Variants in REPIN1 observed in about 807,000 individuals in gnomAD.
REPIN1 encodes DNA-binding protein REPIN1.
In REPIN1, 4 loss-of-function variants were observed where a neutral mutation model predicts 5.7. That is an observed-to-expected ratio of 0.71 (90% confidence interval 0.35 to 1.62). REPIN1 has a LOEUF of 1.62. REPIN1 is among the 40% of genes most tolerant of loss of function. REPIN1 has a pLI of 0.05. For missense variants in REPIN1, 854 were observed against 901.0 expected, an observed-to-expected ratio of 0.95 and a Z score of 0.67; for synonymous variants, 410 against 386.2, an observed-to-expected ratio of 1.06 and a Z score of -0.72.
chr7:150,368,987 G>T (rs994491651), intron 1 of REPIN1, 46 bp downstream of exon 1: 13 of 372,704 alleles, frequency 3.5e-5, no homozygotes, highest in Middle Eastern at 6.5e-4. Flanking sequence ...CCCGCGGGGG[G>T]CCGCTCCACC....
In REPIN1 at chr7:150,371,726, C is replaced by T; in HGVS notation, c.656C>T (p.Ala219Val). ...TTCTGGCGACGAAAGCAGCTTCGAG[C>T]TCATCTGCGGCGGTGCCACCCTCCC... ...RRFWRRKQLR[A>V]HLRRCHPPAP... Residue 219 changes from alanine to valine, a missense_variant, in exon 3 of 3, where the codon GCT becomes GTT. By Grantham distance (64) the Ala-to-Val change is moderately conservative (BLOSUM62 0). Transcript: ENST00000489432. 2 of 1,609,020 alleles carry T rather than the reference C, an allele frequency of 1.2e-6. No individual in the cohort carries two copies. Among genetic ancestry groups the T allele is most frequent in the Non-Finnish European group, 1.7e-6 (2 of 1,179,876 alleles).
chr7:150,372,684 C>A lies in REPIN1; in HGVS notation c.1614C>A (p.His538Gln). The A allele has an allele frequency of 6.2e-7, 1 of 1,612,730 alleles. No homozygotes were observed. Among genetic ancestry groups the A allele is most frequent in the Non-Finnish European group, 8.5e-7 (1 of 1,179,878 alleles). The change falls in exon 3 of 3, where the codon CAC (histidine) becomes CAA (glutamine). Residue 538 changes from histidine (H) to glutamine (Q), a missense_variant. Physicochemically the swap from His to Gln is conservative, Grantham distance 24 (BLOSUM62 0). Around this residue, in one of 5 missense-constraint regions of REPIN1, gnomAD observed 101 missense variants for 124.7 expected, o/e 0.81. Coordinates refer to ENST00000489432, the MANE Select transcript of REPIN1 (RefSeq NM_001099695.2). ...KPYLAAHRRIHTGEKPYVCPD... is the reference protein window; with the variant it reads ...KPYLAAHRRIQTGEKPYVCPD... ...ACCTGGCGGCGCACCGGCGCATCCACACCGGCGAGAAGCCCTACGTCTGCC... is the reference window on the plus strand; with the variant it reads ...ACCTGGCGGCGCACCGGCGCATCCAAACCGGCGAGAAGCCCTACGTCTGCC...
rs1338663366 is a variant in REPIN1 at position 150,368,842 on chromosome 7, C to T, written c.-141C>T. ...CTGGCAGTTGTGAACTCGAACCTGCCGCTGTCGCCGCGGCGGGGCGGGGAG... is the reference window on the plus strand; with the variant it reads ...CTGGCAGTTGTGAACTCGAACCTGCTGCTGTCGCCGCGGCGGGGCGGGGAG... On this transcript the variant is annotated 5_prime_UTR_variant, in exon 1 of 3. Transcript: ENST00000489432. 1.6e-5 allele frequency: 5 copies of T among 321,256 alleles called. No individual in the cohort carries two copies. The highest frequency in any genetic ancestry group is 1.1e-4 in the East Asian group (2 of 18,844). 19.9% of individuals were successfully genotyped at this position (321,256 alleles called of 1,614,324 possible).
intron 2 of REPIN1, chr7:150,370,854 G>T: frequency 1.4e-6 from 1 of 701,482 alleles, no homozygotes; most frequent in South Asian, 1.5e-5. Context: ...GCAGCATAAG[G>T]CACTGTAGGG....
chr7:150,371,078 C>A (rs1423067023), intron 2 of REPIN1, 150 bp from the exon 3 acceptor site: 2 of 850,346 alleles, frequency 2.4e-6, no homozygotes, highest in East Asian at 2.7e-5. Context: ...TAATACATAC[C>A]ACACAAGGAA....
intron 1 of REPIN1, 51 bp downstream of exon 1, chr7:150,368,992 T>G (rs866931318): frequency 3.5e-6 from 1 of 287,446 alleles, no homozygotes; most frequent in Non-Finnish European, 6.3e-6. Flanking sequence ...GGGGGGCCGC[T>G]CCACCTGCGG....
rs1261144223 is a variant in REPIN1, at chr7:150,371,960, G to A, written c.890G>A (p.Cys297Tyr). ...GTCGACCGCCCCTTCCAGTGTGCCT[G>A]TTGTGGCAAGCGCTTCCGGCACAAG... ...DAVDRPFQCA[C>Y]CGKRFRHKPN... The change falls in exon 3 of 3, where the codon TGT (cysteine) becomes TAT (tyrosine). Residue 297 changes from cysteine (C) to tyrosine (Y), a missense_variant. Cys to Tyr is a radical substitution (Grantham distance 194). Coordinates refer to ENST00000489432, the MANE Select transcript of REPIN1 (RefSeq NM_001099695.2). The A allele has an allele frequency of 2.5e-6, 4 of 1,609,984 alleles. No individual in the cohort carries two copies. The African/African-American group carries it at 5.3e-5, about 22-fold the overall frequency.
rs989737453 is a variant in REPIN1, at chr7:150,373,667, G to C, written c.*722G>C. Reference sequence around the variant, plus strand: ...CTGGCTGTCAGCAGCACTGTGTCCAGGCTCTTGTCTGAACACCGCAGCCCC... The same window carrying C: ...CTGGCTGTCAGCAGCACTGTGTCCACGCTCTTGTCTGAACACCGCAGCCCC... On this transcript the variant is annotated 3_prime_UTR_variant, in exon 3 of 3. Transcript: ENST00000489432. 3 of 167,484 alleles carry C rather than the reference G, an allele frequency of 1.8e-5. No individual in the cohort carries two copies. Among genetic ancestry groups the C allele is most frequent in the Non-Finnish European group, 4.4e-5 (3 of 68,488 alleles). The allele number at this position is 167,484 out of a possible 1,614,324, so 10.4% of individuals were successfully genotyped here.
Position 150,372,541 on chromosome 7 carries a change from G to A in REPIN1, c.1471G>A (p.Glu491Lys). 1 of 1,564,896 alleles carries A rather than the reference G, an allele frequency of 6.4e-7. No homozygotes were observed. Among genetic ancestry groups the A allele is most frequent in the East Asian group, 2.3e-5 (1 of 43,456 alleles). The change falls in exon 3 of 3, where the codon GAG becomes AAG. Residue 491 changes from glutamate (E) to lysine (K), a missense_variant. Transcript: ENST00000489432. Reference protein sequence around the residue: ...VHSGERPFACEECGRRFSQGS... With the variant: ...VHSGERPFACKECGRRFSQGS... ...CTCCGGCGAGCGGCCCTTCGCCTGC[G>A]AGGAGTGCGGCCGCCGCTTCTCCCA...
At position 150,372,216 on chromosome 7, in the gene REPIN1, C is replaced by G; in HGVS notation, c.1146C>G (p.Pro382=). Residue 382 remains proline, a synonymous_variant, in exon 3 of 3, where the codon CCC becomes CCG. Transcript: ENST00000489432. ...KRSEGSAQAA[P]GPGSPQLPAG... Reference sequence around the variant, plus strand: ...CCGAGGGGTCGGCCCAGGCCGCCCCCGGCCCGGGGAGCCCCCAGCTGCCAG... The same window carrying G: ...CCGAGGGGTCGGCCCAGGCCGCCCCGGGCCCGGGGAGCCCCCAGCTGCCAG... 1 of 1,576,986 alleles carries G rather than the reference C, an allele frequency of 6.3e-7. No individual in the cohort carries two copies. Among genetic ancestry groups the G allele is most frequent in the Non-Finnish European group, 8.6e-7 (1 of 1,165,416 alleles).
chr7:150,370,635 A>C (rs1299999595), intron 2 of REPIN1: 3 of 670,228 alleles, frequency 4.5e-6, no homozygotes, highest in Non-Finnish European at 8.1e-6. Context: ...CTTTAGAGGA[A>C]AGAACACTGG....
Position 150,372,225 on chromosome 7 carries a change from G to T in REPIN1, c.1155G>T (p.Gly385=). The change falls in exon 3 of 3, where the codon GGG becomes GGT. Residue 385 remains glycine, a synonymous_variant. Transcript: ENST00000489432. The part of the protein sequence containing the change: ...EGSAQAAPGP[G]SPQLPAGPQE... ...CGGCCCAGGCCGCCCCCGGCCCGGG[G>T]AGCCCCCAGCTGCCAGCCGGCCCCC... The T allele has an allele frequency of 6.4e-7, 1 of 1,566,246 alleles. No individual in the cohort carries two copies. The highest frequency in any genetic ancestry group is 8.6e-7 in the Non-Finnish European group (1 of 1,160,276).
rs1282527528 is a variant in REPIN1, at chr7:150,372,083, C to A, written c.1013C>A (p.Ser338Ter). The change falls in exon 3 of 3, where the codon TCG becomes TAG. Residue 338 changes from serine (S) to a stop codon, truncating the protein, a stop_gained. Coordinates refer to ENST00000489432, the MANE Select transcript of REPIN1 (RefSeq NM_001099695.2). LOFTEE classifies it low-confidence loss of function (END_TRUNC). ...KRFTNKPYLT[S>*]HRRIHTGEKP... The stretch of plus-strand genomic sequence containing the variant: ...TTTACCAATAAGCCCTATCTGACTT[C>A]GCACCGGCGCATCCACACCGGCGAG... The A allele has an allele frequency of 6.2e-7, 1 of 1,612,358 alleles. No homozygotes were observed. The highest frequency in any genetic ancestry group is 1.1e-5 in the South Asian group (1 of 91,064).
chr7:150,370,571 A>G, intron 2 of REPIN1: 1 of 592,168 alleles, frequency 1.7e-6, no homozygotes, highest in Non-Finnish European at 3.0e-6. Context: ...CTGTGGGGCT[A>G]GGAATGAAAA....
In REPIN1 at chr7:150,372,939, T is replaced by C; in HGVS notation, c.1869T>C (p.Asp623=). 1.9e-6 allele frequency: 3 copies of C among 1,611,704 alleles called. No individual in the cohort carries two copies. Among genetic ancestry groups the C allele is most frequent in the Non-Finnish European group, 2.5e-6 (3 of 1,178,754 alleles). Residue 623 remains aspartate, a synonymous_variant, in exon 3 of 3, where the codon GAT becomes GAC. Coordinates refer to ENST00000489432, the MANE Select transcript of REPIN1 (RefSeq NM_001099695.2). ...ERLLAHQKKH[D]V is the part of the protein sequence containing the mutation. ...TCCTGGCCCACCAGAAGAAGCACGA[T>C]GTCTGAGACGGTGGGCGGGGCCGTG... is the stretch of plus-strand genomic sequence containing the variant.
intron 2 of REPIN1, chr7:150,370,432 C>CG (rs1799528924): frequency 1.1e-5 from 4 of 370,066 alleles, no homozygotes; most frequent in Non-Finnish European, 2.0e-5. Flanking sequence ...TCTGGGCAGG[C>CG]GGTGGTCTGG....
At chr7:150,369,929 C>T (rs1799393931) in intron 2 of REPIN1, 61 bp downstream of exon 2, 1 of 1,520,986 alleles carries the variant, frequency 6.6e-7, no homozygotes, top group Non-Finnish European at 8.8e-7. Flanking sequence ...ACGGGCGTCC[C>T]CATCCCGGCG....
rs763840117 is a variant in REPIN1, at chr7:150,369,769, A to C, written c.58A>C (p.Ser20Arg). ...TTCTCTAACACCTGGGGGCTACCGG[A>C]GTGTGGGCCGAAGCAGGCGCTGCAG... ...QFSLTPGGYR[S>R]VGRSRRCSRG... is the part of the protein sequence containing the mutation. The change falls in exon 2 of 3, where the codon AGT becomes CGT. Residue 20 changes from serine to arginine, a missense_variant. Physicochemically the swap from Ser to Arg is moderately radical, Grantham distance 110. This residue lies in a region of REPIN1 where 409 missense variants were observed against 418.6 expected (regional missense o/e 0.98). Coordinates refer to ENST00000489432, the MANE Select transcript of REPIN1 (RefSeq NM_001099695.2). 3 of 1,613,812 alleles carry C rather than the reference A, an allele frequency of 1.9e-6. No individual in the cohort carries two copies. In the South Asian group the frequency reaches 3.3e-5, roughly 18 times the overall value.
In REPIN1 at chr7:150,371,504, C is replaced by T. The variant is rs1799738071; in HGVS notation, c.434C>T (p.Pro145Leu). 2.5e-6 allele frequency: 4 copies of T among 1,606,780 alleles called. No individual in the cohort carries two copies. The highest frequency in any genetic ancestry group is 1.7e-6 in the Non-Finnish European group (2 of 1,179,720). ...CAGGCCCGGCTGCCCTTGCCCTGCCCTGAGTGTGGCCGTCGCTTTCGCCAT... is the reference window on the plus strand; with the variant it reads ...CAGGCCCGGCTGCCCTTGCCCTGCCTTGAGTGTGGCCGTCGCTTTCGCCAT... ...RCQARLPLPC[P>L]ECGRRFRHAP... The change falls in exon 3 of 3, where the codon CCT becomes CTT. Residue 145 changes from proline (P) to leucine (L), a missense_variant. Transcript: ENST00000489432.
Sources: gnomAD v4.1 joint callset for allele counts on GRCh38, gnomAD v4.1.1 for gene constraint, gnomAD v4.1.1 regional missense constraint, MANE v1.5 for transcripts, NCBI Gene and HGNC (gene_info 2026-07-23, HGNC 2026-07-21) for gene names.